The following CACNG4 variants were observed in gnomAD, a reference collection of about 807,000 sequenced individuals.
CACNG4 encodes voltage-dependent calcium channel gamma-4 subunit.
In CACNG4, 8 loss-of-function variants were observed where a neutral mutation model predicts 22.9. That is an observed-to-expected ratio of 0.35 (90% CI 0.21 to 0.63). The LOEUF (loss-of-function observed/expected upper bound fraction) is 0.63. Among genes scored for constraint, CACNG4 ranks in the 30% least tolerant of loss-of-function variants. CACNG4 has a pLI of 0.72. For missense variants in CACNG4, 357 were observed against 455.4 expected, an observed-to-expected ratio of 0.78 and a Z score of 1.97; for synonymous variants, 188 against 191.9, an observed-to-expected ratio of 0.98 and a Z score of 0.17.
At chr17:66,965,797 C>G (rs1397419120) in intron 1 of CACNG4, among the ~76,000 whole-genome samples, 2 of 152,044 alleles carry the variant, frequency 1.3e-5, no homozygotes, top group East Asian at 3.9e-4. Context: ...TAGGCCCAGC[C>G]CGACGCCCGC....
chr17:67,013,117 T>C (rs1294584847), intron 1 of CACNG4, among the ~76,000 whole-genome samples: 4 of 152,146 alleles, frequency 2.6e-5, no homozygotes, highest in Admixed American at 2.6e-4. Context: ...CCTATGTCCC[T>C]GGAACCCATC....
chr17:67,019,371 G>C (rs1446808205), intron 2 of CACNG4, among the ~76,000 whole-genome samples: 2 of 152,012 alleles, frequency 1.3e-5, no homozygotes, highest in African/African-American at 4.8e-5. Flanking sequence ...TCCTCCTCCT[G>C]TCTATGCTCT....
intron 1 of CACNG4, among the ~76,000 whole-genome samples, chr17:66,969,778 G>A (rs911588240): frequency 6.6e-6 from 1 of 152,164 alleles, no homozygotes; most frequent in Non-Finnish European, 1.5e-5. Context: ...ACATGGCTCT[G>A]TCTTAAACCA....
chr17:66,987,791 C>T (rs1409262785), intron 1 of CACNG4, among the ~76,000 whole-genome samples: 1 of 152,036 alleles, frequency 6.6e-6, no homozygotes, highest in Non-Finnish European at 1.5e-5. Flanking sequence ...ACTGACCAAA[C>T]CTACCCAGAA....
Position 67,031,625 on chromosome 17 carries a change from G to A in CACNG4, c.*621G>A, listed in dbSNP as rs1283860905. The A allele has an allele frequency of 6.6e-6, 3 of 456,666 alleles. No homozygotes were observed. The highest frequency in any genetic ancestry group is 1.3e-5 in the Non-Finnish European group (3 of 226,986). 28.3% of individuals were successfully genotyped at this position (456,666 alleles called of 1,614,324 possible). On this transcript the variant is annotated 3_prime_UTR_variant, in exon 4 of 4. Transcript: ENST00000262138. This position sits in a 1 kb window ranked among gnomAD's most constrained non-coding sequence, Gnocchi z 4.0. The stretch of plus-strand genomic sequence containing the variant: ...TGCTTTGGCCTTTGCGCTGTCCCGG[G>A]GCCAGCTTCCCTCGACCTGGGGAGG...
At chr17:67,003,822 T>C (rs1206217817) in intron 1 of CACNG4, among the ~76,000 whole-genome samples, 1 of 152,132 alleles carries the variant, frequency 6.6e-6, no homozygotes, top group African/African-American at 2.4e-5. Flanking sequence ...TGACCAACAG[T>C]CAAAGCTTGG....
At chr17:67,020,564 C>T (rs535563889) in intron 2 of CACNG4, among the ~76,000 whole-genome samples, 1 of 152,278 alleles carries the variant, frequency 6.6e-6, no homozygotes, top group East Asian at 1.9e-4. Flanking sequence ...AACTGACTTC[C>T]CAACAGGGAG....
At chr17:66,996,050 AT>A (rs1404029862) in intron 1 of CACNG4, among the ~76,000 whole-genome samples, 1 of 152,070 alleles carries the variant, frequency 6.6e-6, no homozygotes, top group African/African-American at 2.4e-5. Flanking sequence ...GGACATTAAT[AT>A]TTATCACATT....
intron 1 of CACNG4, among the ~76,000 whole-genome samples, chr17:66,988,051 GTGTA>G (rs770975378): frequency 0.083 from 12,380 of 149,774 alleles, 1,031 homozygotes; most frequent in African/African-American, 0.22. Flanking sequence ...GTGTGTGTGT[GTGTA>G]TATATATATA....
chr17:66,983,189 T>A (rs1010827214), intron 1 of CACNG4, among the ~76,000 whole-genome samples: 1 of 152,172 alleles, frequency 6.6e-6, no homozygotes, highest in African/African-American at 2.4e-5. Context: ...CTCCTCACAA[T>A]GCAGCATGGA....
intron 1 of CACNG4, among the ~76,000 whole-genome samples, chr17:66,995,468 A>G (rs2035368269): frequency 6.6e-6 from 1 of 152,152 alleles, no homozygotes; most frequent in Admixed American, 6.5e-5. Flanking sequence ...TCATGAGTCC[A>G]GGCCTGGTTT....
At chr17:66,988,312 A>T (rs2035316895) in intron 1 of CACNG4, among the ~76,000 whole-genome samples, 1 of 152,110 alleles carries the variant, frequency 6.6e-6, no homozygotes, top group Non-Finnish European at 1.5e-5. Flanking sequence ...TGACTCGGCC[A>T]GTCCGGTCAT....
chr17:67,006,133 A>G (rs114205827), intron 1 of CACNG4, among the ~76,000 whole-genome samples: 2,414 of 152,238 alleles, frequency 0.016, 39 homozygotes, highest in African/African-American at 0.038. Context: ...AGTGAGGAGG[A>G]GAGAGCTTGT....
At chr17:66,973,622 G>C (rs1598101122) in intron 1 of CACNG4, among the ~76,000 whole-genome samples, 2 of 152,222 alleles carry the variant, frequency 1.3e-5, no homozygotes, top group East Asian at 3.8e-4. Context: ...GTGCAGAACA[G>C]CGATGGAAAC....
chr17:66,973,931 C>T (rs898224315), intron 1 of CACNG4, among the ~76,000 whole-genome samples: 13 of 152,170 alleles, frequency 8.5e-5, no homozygotes, highest in Admixed American at 4.6e-4. Context: ...TTCTGAACTG[C>T]GAGGCAGGAC....
chr17:67,006,231 T>C (rs1430317974), intron 1 of CACNG4, among the ~76,000 whole-genome samples: 1 of 152,022 alleles, frequency 6.6e-6, no homozygotes, highest in Non-Finnish European at 1.5e-5. Flanking sequence ...CAGGGTGGGA[T>C]CCAAAAGCCC....
In CACNG4 at chr17:66,997,309, C is replaced by T. The variant is rs1019742408; in HGVS notation, c.221-20880C>T. 6.6e-5 allele frequency among the ~76,000 whole-genome samples: 10 copies of T among 152,150 alleles called. No homozygotes were observed. The East Asian group carries it at 9.7e-4, about 15-fold the overall frequency. On this transcript the variant is annotated intron_variant, in intron 1 of 3. Coordinates refer to ENST00000262138, the MANE Select transcript of CACNG4 (RefSeq NM_014405.4). ...GTCGGCTGATGGATGAAATACAGGCCGGATGAGGAAGAGGGAAGAGTCAAG... is the reference window on the plus strand; with the variant it reads ...GTCGGCTGATGGATGAAATACAGGCTGGATGAGGAAGAGGGAAGAGTCAAG...
At chr17:66,978,749 G>A (rs73336963) in intron 1 of CACNG4, among the ~76,000 whole-genome samples, 1,572 of 152,334 alleles carry the variant, frequency 0.01, 40 homozygotes, top group African/African-American at 0.036. Flanking sequence ...CTTCGCCCGA[G>A]ACATTTTCTC....
At chr17:67,025,111 A>T in intron 3 of CACNG4, 111 bp downstream of exon 3, 1 of 1,015,554 alleles carries the variant, frequency 9.8e-7, no homozygotes, top group Non-Finnish European at 1.3e-6. Context: ...GAATGCAGAC[A>T]TAACATCGCC....
Sources: allele counts gnomAD v4.1 joint callset (sites outside exome capture counted in the v4.1 genomes callset), GRCh38; gene constraint gnomAD v4.1.1; non-coding constraint Gnocchi (gnomAD v3.1); transcripts MANE v1.5; gene names NCBI Gene and HGNC (gene_info 2026-07-23, HGNC 2026-07-21).